Variants in ANKRD12 observed in about 807,000 individuals in gnomAD.
The protein encoded by ANKRD12 is ankyrin repeat domain 12, also known as ankyrin repeat domain-containing protein 12.
A neutral mutation model predicts 183.4 loss-of-function variants in ANKRD12; 85 were observed. The observed-to-expected ratio is 0.46, with a 90% CI of 0.39 to 0.56. The LOEUF is 0.56. ANKRD12 is among the 20% of genes least tolerant of loss of function. The pLI is 0.00. For missense variants in ANKRD12, 2,405 were observed against 2,357.1 expected (o/e 1.02, Z -0.42); for synonymous variants, 914 against 800.2 (o/e 1.14, Z -2.40).
intron 1 of ANKRD12, among the ~76,000 whole-genome samples, chr18:9,146,404 T>C (rs569108725): frequency 4.6e-5 from 7 of 152,024 alleles, no homozygotes; most frequent in African/African-American, 1.7e-4. Context: ...GAGTTTTGGC[T>C]GGGCACAGTG....
Position 9,138,360 on chromosome 18 carries a change from A to G in ANKRD12, c.-52+1395A>G, listed in dbSNP as rs150644533. On this transcript the variant is annotated intron_variant, in intron 1 of 12. Coordinates refer to ENST00000262126, the MANE Select transcript of ANKRD12 (RefSeq NM_015208.5). ...AAACCCCCGTCTCTACTAAATATAC[A>G]AAATTAGCCAGGCGTGGTGGCGCAT... 6.7e-4 allele frequency among the ~76,000 whole-genome samples: 102 copies of G among 152,254 alleles called. No individual in the cohort carries two copies. The Middle Eastern group carries it at 0.01, about 15-fold the overall frequency.
chr18:9,137,321 G>A (rs900376589), intron 1 of ANKRD12, among the ~76,000 whole-genome samples: 13 of 146,518 alleles, frequency 8.9e-5, no homozygotes, highest in African/African-American at 3.2e-4. Context: ...GGGGCCGGGC[G>A]GAGGGCCGCG....
chr18:9,187,865 T>C (rs534570354), intron 2 of ANKRD12, among the ~76,000 whole-genome samples: 52 of 152,390 alleles, frequency 3.4e-4, no homozygotes, highest in Middle Eastern at 3.4e-3. Flanking sequence ...AGTTCTGTTA[T>C]ATCCTTTTCG....
intron 1 of ANKRD12, among the ~76,000 whole-genome samples, chr18:9,166,436 CATT>C (rs1396661793): frequency 6.6e-6 from 1 of 152,108 alleles, no homozygotes; most frequent in East Asian, 1.9e-4. Flanking sequence ...GATGGTATCT[CATT>C]GTGGTTTTGA....
chr18:9,193,744 T>C (rs540824326), intron 2 of ANKRD12, among the ~76,000 whole-genome samples: 3 of 152,284 alleles, frequency 2.0e-5, no homozygotes, highest in Admixed American at 6.5e-5. Flanking sequence ...TCATTTGCTT[T>C]TGAGAGTTTC....
intron 8 of ANKRD12, among the ~76,000 whole-genome samples, chr18:9,244,546 T>C (rs759152356): frequency 4.6e-5 from 7 of 152,174 alleles, no homozygotes; most frequent in Non-Finnish European, 1.0e-4. Flanking sequence ...TGACATACTT[T>C]AGAACAAAAT....
At chr18:9,280,034 T>TGATAA (rs2040036196) in intron 12 of ANKRD12, among the ~76,000 whole-genome samples, 1 of 152,226 alleles carries the variant, frequency 6.6e-6, no homozygotes, top group East Asian at 1.9e-4. Context: ...TTCATGTTTC[T>TGATAA]TTTGATAATT....
intron 8 of ANKRD12, among the ~76,000 whole-genome samples, chr18:9,228,086 C>A (rs2036828616): frequency 1.3e-5 from 2 of 152,118 alleles, no homozygotes. Context: ...TTCACTAATT[C>A]CATCCATGTT....
chr18:9,205,597 G>A (rs1050995605), intron 4 of ANKRD12, among the ~76,000 whole-genome samples: 19 of 152,030 alleles, frequency 1.2e-4, no homozygotes, highest in African/African-American at 4.3e-4. Flanking sequence ...TTTCTAAAAG[G>A]TGACTTCTAA....
At chr18:9,274,461 T>C (rs1247993750) in intron 10 of ANKRD12, among the ~76,000 whole-genome samples, 4 of 152,230 alleles carry the variant, frequency 2.6e-5, no homozygotes, top group African/African-American at 9.6e-5. Flanking sequence ...TATTGCATAT[T>C]ATGTGATTCC....
intron 1 of ANKRD12, among the ~76,000 whole-genome samples, chr18:9,178,577 T>C (rs1173986661): frequency 6.6e-6 from 1 of 152,170 alleles, no homozygotes; most frequent in Non-Finnish European, 1.5e-5. Flanking sequence ...AGTCAGGTAA[T>C]GTGAGTCTAC....
At chr18:9,216,704 A>G in intron 6 of ANKRD12, 54 bp from the exon 7 acceptor site, 2 of 1,576,282 alleles carry the variant, frequency 1.3e-6, no homozygotes, top group Non-Finnish European at 1.7e-6. Flanking sequence ...TATGAAAAGC[A>G]TATATTTTGA....
chr18:9,143,628 T>G (rs559677816), intron 1 of ANKRD12, among the ~76,000 whole-genome samples: 63 of 152,172 alleles, frequency 4.1e-4, no homozygotes, highest in African/African-American at 1.5e-3. Context: ...GCCTGGCTAA[T>G]TTTTTGCATT....
At chr18:9,159,714 C>T (rs2031132158) in intron 1 of ANKRD12, among the ~76,000 whole-genome samples, 1 of 151,946 alleles carries the variant, frequency 6.6e-6, no homozygotes, top group Non-Finnish European at 1.5e-5. Context: ...GCTGGGATTA[C>T]AGGCGTGAGC....
intron 8 of ANKRD12, among the ~76,000 whole-genome samples, chr18:9,236,766 C>G (rs1263488549): frequency 2.6e-5 from 4 of 152,144 alleles, no homozygotes; most frequent in Non-Finnish European, 5.9e-5. Context: ...AAAAGCCTAT[C>G]AGTTTTGAAG....
chr18:9,178,073 C>G (rs1365705217), intron 1 of ANKRD12, among the ~76,000 whole-genome samples: 1 of 152,200 alleles, frequency 6.6e-6, no homozygotes, highest in Non-Finnish European at 1.5e-5. Context: ...GCATGGCTGG[C>G]TTTTCATTTT....
At chr18:9,262,046 C>G (rs1014787676) in intron 9 of ANKRD12, among the ~76,000 whole-genome samples, 1 of 152,172 alleles carries the variant, frequency 6.6e-6, no homozygotes, top group African/African-American at 2.4e-5. Context: ...TGGTCAGTTC[C>G]AGTAAGTTGT....
At chr18:9,216,652 G>C (rs966908059) in intron 6 of ANKRD12, 106 bp from the exon 7 acceptor site, 13 of 1,077,820 alleles carry the variant, frequency 1.2e-5, no homozygotes, top group Non-Finnish European at 1.6e-5. Context: ...TTTTTTGCAC[G>C]ATGTGCAGTT....
intron 2 of ANKRD12, among the ~76,000 whole-genome samples, chr18:9,186,806 G>C (rs1399421853): frequency 1.1e-4 from 17 of 149,680 alleles, no homozygotes; most frequent in South Asian, 2.1e-4. Context: ...GGCCGGAGTG[G>C]AGTGGCGCGA....
Sources: allele counts gnomAD v4.1 joint callset (sites outside exome capture counted in the v4.1 genomes callset), GRCh38; gene constraint gnomAD v4.1.1; transcripts MANE v1.5; gene names NCBI Gene and HGNC (gene_info 2026-07-23, HGNC 2026-07-21).